The following OSBPL5 variants were observed in gnomAD, a reference collection of about 807,000 sequenced individuals.
OSBPL5 encodes oxysterol-binding protein-related protein 5.
In OSBPL5, 71 loss-of-function variants were observed where a neutral mutation model predicts 111.2. The observed-to-expected ratio is 0.64, with a 90% CI of 0.53 to 0.78. The LOEUF is 0.78. OSBPL5 is among the 30% of genes least tolerant of loss of function. OSBPL5 has a pLI of 0.00. For synonymous variants in OSBPL5, 549 were observed against 513.9 expected (o/e 1.07, Z -0.93); for missense variants, 1,210 against 1,189.3 (o/e 1.02, Z -0.26).
chr11:3,138,914 G>A (rs556874774), intron 1 of OSBPL5, among the ~76,000 whole-genome samples: 3 of 152,360 alleles, frequency 2.0e-5, no homozygotes, highest in African/African-American at 4.8e-5. Context: ...GGAGCCAGGC[G>A]TGTGGGCAAA....
At position 3,100,138 on chromosome 11, in the gene OSBPL5, T is replaced by G. The variant is rs918088444; in HGVS notation, c.1621+20A>C. 3.1e-6 allele frequency: 5 copies of G among 1,608,886 alleles called. No individual in the cohort carries two copies. The African/African-American group carries it at 6.7e-5, about 22-fold the overall frequency. ...ACAGAGCCTGGCTCTGCCCTCGGAG[T>G]GTGTGGCTGAGCCTCTCACCTTTGC... On this transcript the variant is annotated intron_variant, in intron 14 of 21. Transcript: ENST00000263650.
intron 1 of OSBPL5, among the ~76,000 whole-genome samples, chr11:3,164,885 C>G (rs1847069831): frequency 6.6e-6 from 1 of 152,112 alleles, no homozygotes; most frequent in African/African-American, 2.4e-5. Flanking sequence ...TCCTTTAAGC[C>G]CCACCAAGTG....
intron 19 of OSBPL5, among the ~76,000 whole-genome samples, chr11:3,091,115 T>C (rs1231860366): frequency 1.3e-5 from 2 of 152,200 alleles, no homozygotes; most frequent in East Asian, 3.9e-4. Context: ...GAACCCCAGA[T>C]GGCTAGGGTT....
rs1846954177 is a variant in OSBPL5, at chr11:3,161,152, A to T, written c.-22+4064T>A. The T allele has an allele frequency of 6.6e-6, 1 of 152,150 alleles. No homozygotes were observed. 9.4% of individuals were successfully genotyped at this position (152,150 alleles called of 1,614,324 possible). On this transcript the variant is annotated intron_variant, in intron 1 of 21. Transcript: ENST00000263650. The surrounding 1 kb of genome is among the most constrained non-coding windows in gnomAD (Gnocchi z 8.0). ...CCACTTAAAATCCCTAAGAATGTAC[A>T]TATTTAGAAGGAATACTGTTCAGTT...
intron 5 of OSBPL5, 63 bp from the exon 6 acceptor site, chr11:3,120,687 A>C (rs1425410401): frequency 2.5e-6 from 4 of 1,573,694 alleles, no homozygotes; most frequent in African/African-American, 1.4e-5. Context: ...GGGCATCTTG[A>C]TGGCTTGGCG....
rs1183781025 is a variant in OSBPL5, at chr11:3,092,551, G to A, written c.2140C>T (p.Pro714Ser). The change falls in exon 19 of 22, where the codon CCC (proline) becomes TCC (serine). Residue 714 changes from proline (P) to serine (S), a missense_variant. Transcript: ENST00000263650. The surrounding 1 kb of genome is among the most constrained non-coding windows in gnomAD (Gnocchi z 5.4). ...GCGATGTCCTTCAGGGGGTCCCAGG[G>A]GCTGTGGCTGGAGGGTCCAGAGGGC... The part of the protein sequence containing the change: ...EWHYRYEDHS[P>S]WDPLKDIAQF... 6.3e-7 allele frequency: 1 copy of A among 1,589,874 alleles called. No homozygotes were observed. The highest frequency in any genetic ancestry group is 2.3e-5 in the East Asian group (1 of 43,880).
Position 3,092,491 on chromosome 11 carries a change from G to C in OSBPL5, c.2200C>G (p.Gln734Glu), listed in dbSNP as rs780205096. Residue 734 changes from glutamine to glutamate, a missense_variant, in exon 19 of 22, where the codon CAG (glutamine) becomes GAG (glutamate). Gln to Glu is a conservative substitution (Grantham distance 29, BLOSUM62 2). Coordinates refer to ENST00000263650, the MANE Select transcript of OSBPL5 (RefSeq NM_020896.4). The surrounding 1 kb of genome is among the most constrained non-coding windows in gnomAD (Gnocchi z 5.4). ...FEQDGILRTL[Q>E]QEAVARQTTF... is the part of the protein sequence containing the mutation. ...GTCTGGCGGGCCACGGCCTCCTGCTGCAAGGTCCGCAGGATCCCGTCTTGC... is the reference window on the plus strand; with the variant it reads ...GTCTGGCGGGCCACGGCCTCCTGCTCCAAGGTCCGCAGGATCCCGTCTTGC... 5 of 1,576,854 alleles carry C rather than the reference G, an allele frequency of 3.2e-6. No homozygotes were observed. The highest frequency in any genetic ancestry group is 4.3e-6 in the Non-Finnish European group (5 of 1,161,698).
chr11:3,095,966 T>C (rs553364504), intron 14 of OSBPL5, among the ~76,000 whole-genome samples: 12 of 152,070 alleles, frequency 7.9e-5, no homozygotes, highest in East Asian at 1.9e-4. Flanking sequence ...TGAAAAAAAC[T>C]GTGCTGAACG....
At chr11:3,122,277 T>C in intron 4 of OSBPL5, 71 bp downstream of exon 4, 3 of 1,506,782 alleles carry the variant, frequency 2.0e-6, no homozygotes, top group Middle Eastern at 4.3e-4. Context: ...GTGGGGAGGG[T>C]GACCTCCCTG....
At chr11:3,089,255 G>C (rs1235106062) in intron 21 of OSBPL5, among the ~76,000 whole-genome samples, 3 of 152,226 alleles carry the variant, frequency 2.0e-5, no homozygotes, top group African/African-American at 4.8e-5. Context: ...ACTTTACAGA[G>C]GGGAGGCTGA....
At chr11:3,096,913 G>A (rs1439329748) in intron 14 of OSBPL5, among the ~76,000 whole-genome samples, 13 of 151,018 alleles carry the variant, frequency 8.6e-5, no homozygotes, top group Non-Finnish European at 1.5e-4. Flanking sequence ...AAAAATAAAG[G>A]GGAGAAGACG....
At chr11:3,094,213 C>G (rs750579477) in intron 15 of OSBPL5, 24 bp downstream of exon 15, 4 of 1,606,656 alleles carry the variant, frequency 2.5e-6, no homozygotes, top group Non-Finnish European at 3.4e-6. Flanking sequence ...GGCCTCGTCT[C>G]CCCCAGGCTG....
At chr11:3,089,373 T>G (rs960406231) in intron 21 of OSBPL5, among the ~76,000 whole-genome samples, 4 of 152,220 alleles carry the variant, frequency 2.6e-5, no homozygotes, top group Non-Finnish European at 5.9e-5. Context: ...TGGTGGGATC[T>G]GCTGACAGGA....
intron 21 of OSBPL5, 129 bp downstream of exon 21, chr11:3,089,717 T>G: frequency 1.3e-6 from 1 of 798,220 alleles, no homozygotes; most frequent in Non-Finnish European, 2.1e-6. Flanking sequence ...CCTGCAGGTC[T>G]TGTGGGTTCC....
At position 3,126,588 on chromosome 11, in the gene OSBPL5, C is replaced by T. The variant is rs1424378214; in HGVS notation, c.137-33G>A. 1.9e-6 allele frequency: 3 copies of T among 1,580,792 alleles called. No individual in the cohort carries two copies. Among genetic ancestry groups the T allele is most frequent in the East Asian group, 2.3e-5 (1 of 44,224 alleles). ...AGAGCAGTGGGAGTGAGGACCCAGG[C>T]ATGGTGGCGTGGCCAGGCTTCTCAG... On this transcript the variant is annotated intron_variant, in intron 2 of 21. Transcript: ENST00000263650. This position sits in a 1 kb window ranked among gnomAD's most constrained non-coding sequence, Gnocchi z 6.5.
chr11:3,093,024 T>G lies in OSBPL5; in HGVS notation c.1975A>C (p.Ser659Arg), dbSNP rs1183178832. The change falls in exon 18 of 22, where the codon AGC becomes CGC. Residue 659 changes from serine (S) to arginine (R), a missense_variant. Physicochemically the swap from Ser to Arg is moderately radical, Grantham distance 110. Coordinates refer to ENST00000263650, the MANE Select transcript of OSBPL5 (RefSeq NM_020896.4). ...GTGGCCCTGTGCTGGTCGCCCTTGC[T>G]GATGGCCCTGGTGACGTGCTGCCAG... ...RLWQHVTRAI[S>R]KGDQHRATQE... The G allele has an allele frequency of 6.3e-7, 1 of 1,598,938 alleles. No homozygotes were observed.
intron 1 of OSBPL5, among the ~76,000 whole-genome samples, chr11:3,131,497 A>C (rs1228053707): frequency 3.2e-5 from 4 of 123,152 alleles, no homozygotes; most frequent in South Asian, 2.7e-4. Flanking sequence ...TCCATCTACC[A>C]TCCTCCCATC....
intron 1 of OSBPL5, among the ~76,000 whole-genome samples, chr11:3,137,694 A>G (rs1845987981): frequency 6.6e-6 from 1 of 152,210 alleles, no homozygotes; most frequent in Admixed American, 6.5e-5. Flanking sequence ...CTGTGGTCCC[A>G]GTTACTCAGG....
Position 3,104,425 on chromosome 11 carries a change from G to T in OSBPL5, c.1060-48C>A. On this transcript the variant is annotated intron_variant, in intron 9 of 21. Transcript: ENST00000263650. This position sits in a 1 kb window ranked among gnomAD's most constrained non-coding sequence, Gnocchi z 5.0. Reference sequence around the variant, plus strand: ...AGGCCCTGCCCGGAAGAGCCGGGAGGAAGGGGTGGCGGGACAGTGGCAGCT... The same window carrying T: ...AGGCCCTGCCCGGAAGAGCCGGGAGTAAGGGGTGGCGGGACAGTGGCAGCT... The T allele has an allele frequency of 1.3e-6, 2 of 1,586,964 alleles. No individual in the cohort carries two copies. The highest frequency in any genetic ancestry group is 1.7e-6 in the Non-Finnish European group (2 of 1,173,552).
Sources: gnomAD v4.1 joint callset for allele counts (sites outside exome capture counted in the v4.1 genomes callset) on GRCh38, gnomAD v4.1.1 for gene constraint, Gnocchi (gnomAD v3.1) non-coding constraint, MANE v1.5 for transcripts, NCBI Gene and HGNC (gene_info 2026-07-23, HGNC 2026-07-21) for gene names.